The following ADAMTSL1 variants were observed in gnomAD, a reference collection of about 807,000 sequenced individuals.
ADAMTSL1 encodes ADAMTS-like protein 1.
ADAMTSL1 carries 126 observed loss-of-function variants against 201.8 expected under a neutral mutation model. That is an observed-to-expected ratio of 0.62 (90% CI 0.54 to 0.72). ADAMTSL1 has a LOEUF of 0.72. ADAMTSL1 is among the 30% of genes least tolerant of loss of function. The pLI is 0.00. For missense variants in ADAMTSL1, 2,679 were observed against 2,277.8 expected, an observed-to-expected ratio of 1.18 and a Z score of -3.59; for synonymous variants, 1,121 against 903.4, an observed-to-expected ratio of 1.24 and a Z score of -4.32.
chr9:18,193,873 C>G (rs960241207), intron 2 of ADAMTSL1, among the ~76,000 whole-genome samples: 1 of 152,136 alleles, frequency 6.6e-6, no homozygotes, highest in Non-Finnish European at 1.5e-5. Flanking sequence ...AAATTGTTTG[C>G]ACACACTCAT....
intron 15 of ADAMTSL1, among the ~76,000 whole-genome samples, chr9:18,752,691 CA>C (rs1819533250): frequency 6.6e-6 from 1 of 152,204 alleles, no homozygotes; most frequent in African/African-American, 2.4e-5. Context: ...CCACTCTCTT[CA>C]CTTTACTTCC....
intron 1 of ADAMTSL1, among the ~76,000 whole-genome samples, chr9:18,484,234 G>A (rs964411180): frequency 2.6e-5 from 4 of 152,142 alleles, no homozygotes; most frequent in Non-Finnish European, 5.9e-5. Flanking sequence ...TTGGCACAGG[G>A]GTGAGGAAGA....
At chr9:17,909,399 G>A (rs1256475700) in intron 1 of ADAMTSL1, among the ~76,000 whole-genome samples, 1 of 145,040 alleles carries the variant, frequency 6.9e-6, no homozygotes, top group Non-Finnish European at 1.5e-5. Flanking sequence ...CCTTGCCCAT[G>A]CCTATGTCCT....
rs1368793151 is a variant in ADAMTSL1 at position 18,242,166 on chromosome 9, AC to A, written c.207+78186del. ...ACATCAAAAAGATTTCATATCATGA[AC>A]AAATGGGATTCATCCCTGACATGCA... On this transcript the variant is annotated intron_variant, in intron 2 of 29. Coordinates refer to the ADAMTSL1 transcript ENST00000680146. Among the ~76,000 whole-genome samples the A allele has an allele frequency of 2.6e-4, 40 of 152,270 alleles. 1 individual carries two copies. The highest frequency in any genetic ancestry group is 9.1e-4 in the African/African-American group (38 of 41,578).
intron 7 of ADAMTSL1, among the ~76,000 whole-genome samples, chr9:18,645,040 C>G (rs976613705): frequency 6.6e-6 from 1 of 152,140 alleles, no homozygotes; most frequent in Non-Finnish European, 1.5e-5. Context: ...CACATCTTCT[C>G]CAGCACCTGT....
At chr9:18,514,280 G>A (rs544765929) in intron 2 of ADAMTSL1, among the ~76,000 whole-genome samples, 1 of 144,990 alleles carries the variant, frequency 6.9e-6, no homozygotes, top group Non-Finnish European at 1.5e-5. Context: ...AATTTCTTTT[G>A]TGGATAGTTT....
chr9:18,785,930 C>A (rs1038445075), intron 19 of ADAMTSL1, among the ~76,000 whole-genome samples: 2 of 152,160 alleles, frequency 1.3e-5, no homozygotes, highest in Non-Finnish European at 2.9e-5. Flanking sequence ...CCAAGAAACA[C>A]CTACATACTG....
At chr9:18,839,427 C>A (rs1202070193) in intron 23 of ADAMTSL1, among the ~76,000 whole-genome samples, 2 of 152,038 alleles carry the variant, frequency 1.3e-5, no homozygotes, top group Admixed American at 6.5e-5. Flanking sequence ...TTAATCCAGT[C>A]TATCGTTGTT....
At chr9:18,479,702 G>A (rs1821627380) in intron 1 of ADAMTSL1, among the ~76,000 whole-genome samples, 1 of 152,182 alleles carries the variant, frequency 6.6e-6, no homozygotes, top group African/African-American at 2.4e-5. Flanking sequence ...ACAGCAGAAG[G>A]TGTGACTTGT....
intron 1 of ADAMTSL1, among the ~76,000 whole-genome samples, chr9:18,051,749 T>C (rs1187749726): frequency 6.6e-6 from 1 of 152,210 alleles, no homozygotes; most frequent in Non-Finnish European, 1.5e-5. Context: ...TTTGTCAGAA[T>C]TTTGGTTCAC....
intron 3 of ADAMTSL1, among the ~76,000 whole-genome samples, chr9:18,560,428 G>A (rs1462947586): frequency 6.6e-6 from 1 of 152,070 alleles, no homozygotes; most frequent in Non-Finnish European, 1.5e-5. Context: ...TGTTGAAGAT[G>A]TTCACATCAA....
chr9:18,825,847 T>G (rs976430731), intron 21 of ADAMTSL1, among the ~76,000 whole-genome samples: 1 of 152,174 alleles, frequency 6.6e-6, no homozygotes, highest in African/African-American at 2.4e-5. Context: ...CTCAACATTA[T>G]GTTTATTTCA....
chr9:18,359,722 C>T (rs576785558), intron 2 of ADAMTSL1, among the ~76,000 whole-genome samples: 1 of 151,700 alleles, frequency 6.6e-6, no homozygotes. Context: ...TGTATACAGC[C>T]TGATTCATAT....
chr9:18,293,337 A>G (rs1246359913), intron 2 of ADAMTSL1, among the ~76,000 whole-genome samples: 2 of 152,222 alleles, frequency 1.3e-5, no homozygotes, highest in Non-Finnish European at 2.9e-5. Context: ...TATTTTAATA[A>G]ATTAAGCTGC....
At chr9:17,965,725 T>C (rs16936157) in intron 1 of ADAMTSL1, among the ~76,000 whole-genome samples, 37,137 of 152,024 alleles carry the variant, frequency 0.24, 4,736 homozygotes, top group Middle Eastern at 0.36. Context: ...ATTGATTCTG[T>C]GAGCTGGAGG....
At chr9:18,184,703 G>C (rs997862273) in intron 2 of ADAMTSL1, among the ~76,000 whole-genome samples, 1 of 152,138 alleles carries the variant, frequency 6.6e-6, no homozygotes, top group African/African-American at 2.4e-5. Context: ...GAGTTGATCA[G>C]TATTTTCACA....
chr9:18,394,574 A>G (rs1477529854), intron 2 of ADAMTSL1, among the ~76,000 whole-genome samples: 1 of 152,246 alleles, frequency 6.6e-6, no homozygotes, highest in African/African-American at 2.4e-5. Flanking sequence ...AACTTATCAC[A>G]AAAAGCTCAT....
At chr9:18,059,708 G>A (rs1313903506) in intron 1 of ADAMTSL1, among the ~76,000 whole-genome samples, 3 of 152,036 alleles carry the variant, frequency 2.0e-5, no homozygotes, top group Admixed American at 6.6e-5. Context: ...AATCTTACCC[G>A]GGAATGTTTG....
At chr9:18,328,937 A>C (rs921185086) in intron 2 of ADAMTSL1, among the ~76,000 whole-genome samples, 2 of 152,140 alleles carry the variant, frequency 1.3e-5, no homozygotes, top group African/African-American at 4.8e-5. Flanking sequence ...TTTACATTTT[A>C]GCTTGGATGA....
Sources: gnomAD v4.1 joint callset for allele counts (sites outside exome capture counted in the v4.1 genomes callset) on GRCh38, gnomAD v4.1.1 for gene constraint, MANE v1.5 for transcripts, NCBI Gene and HGNC (gene_info 2026-07-23, HGNC 2026-07-21) for gene names.